Variants in NDRG1 observed in about 807,000 individuals in gnomAD.
NDRG1 encodes N-myc downstream regulated 1.
In NDRG1, 32 loss-of-function variants were observed where a neutral mutation model predicts 56.9. The observed-to-expected ratio is 0.56, with a 90% CI of 0.42 to 0.76. NDRG1 has a LOEUF of 0.76. NDRG1 is among the 30% of genes least tolerant of loss of function. The probability of loss-of-function intolerance (pLI) is 0.00; values close to 1 mark genes in which losing one functional copy is unlikely to be tolerated. For missense variants in NDRG1, 507 were observed against 545.7 expected (o/e 0.93, Z 0.71); for synonymous variants, 211 against 204.1 (o/e 1.03, Z -0.29).
intron 14 of NDRG1, 84 bp from the exon 15 acceptor site, chr8:133,242,158 C>T (rs1855423570): frequency 7.1e-7 from 1 of 1,401,876 alleles, no homozygotes; most frequent in Non-Finnish European, 1.0e-6. Context: ...CCTGTGGTCA[C>T]CTTCATTTGA....
At chr8:133,263,917 G>GGA (rs1856778621) in intron 4 of NDRG1, among the ~76,000 whole-genome samples, 1 of 108,078 alleles carries the variant, frequency 9.3e-6, no homozygotes, top group East Asian at 2.6e-4. Context: ...TTCTGTCTCA[G>GGA]AAAAAAAAAA....
rs567996488 is a variant in NDRG1 at position 133,250,496 on chromosome 8, G to A, written c.642C>T (p.His214=). 1 of 1,614,098 alleles carries A rather than the reference G, an allele frequency of 6.2e-7. No individual in the cohort carries two copies. The highest frequency in any genetic ancestry group is 2.2e-5 in the East Asian group (1 of 44,868). Residue 214 remains histidine (H), a synonymous_variant, in exon 10 of 16, where the codon CAC becomes CAT. Transcript: ENST00000323851. The part of the protein sequence containing the change: ...NVEVVHTYRQ[H]IVNDMNPGNL... ...TGCCGGGGTTCATGTCATTCACAATGTGCTGGCGGTAGGTGTGGACCACTT... is the reference window on the plus strand; with the variant it reads ...TGCCGGGGTTCATGTCATTCACAATATGCTGGCGGTAGGTGTGGACCACTT...
In NDRG1 at chr8:133,292,487, C is replaced by A. The variant is rs28605173; in HGVS notation, c.-19+4647G>T. Reference sequence around the variant, plus strand: ...GACATGGACAGGTCCCAGGAAGGACCCAACCCAGCCTCCCCTCCAGCAGAG... The same window carrying A: ...GACATGGACAGGTCCCAGGAAGGACACAACCCAGCCTCCCCTCCAGCAGAG... On this transcript the variant is annotated intron_variant, in intron 1 of 15. Coordinates refer to ENST00000323851, the MANE Select transcript of NDRG1 (RefSeq NM_006096.4). 4.3e-3 allele frequency among the ~76,000 whole-genome samples: 656 copies of A among 152,264 alleles called. 1 individual carries two copies. The highest frequency in any genetic ancestry group is 0.015 in the African/African-American group (613 of 41,542).
At chr8:133,272,413 C>T (rs546670547) in intron 3 of NDRG1, among the ~76,000 whole-genome samples, 5 of 152,266 alleles carry the variant, frequency 3.3e-5, no homozygotes, top group East Asian at 1.9e-4. Flanking sequence ...TCAGGGACAG[C>T]GATGCTCCCC....
At chr8:133,295,769 T>C (rs754769856) in intron 1 of NDRG1, among the ~76,000 whole-genome samples, 1 of 152,190 alleles carries the variant, frequency 6.6e-6, no homozygotes, top group Admixed American at 6.5e-5. Flanking sequence ...TGATGGGTAT[T>C]ATAAGGATGT....
At chr8:133,257,282 TACACACAC>T (rs58312135) in intron 7 of NDRG1, among the ~76,000 whole-genome samples, 2,311 of 146,820 alleles carry the variant, frequency 0.016, 72 homozygotes, top group African/African-American at 0.054. Context: ...AACACATGCA[TACACACAC>T]ACACACACAC....
chr8:133,280,531 C>A (rs1170832162), intron 2 of NDRG1, among the ~76,000 whole-genome samples: 2 of 151,746 alleles, frequency 1.3e-5, no homozygotes, highest in Non-Finnish European at 2.9e-5. Flanking sequence ...TCACGCCATT[C>A]TCCTGCCTCA....
chr8:133,269,838 C>T (rs1857104405), intron 3 of NDRG1, among the ~76,000 whole-genome samples: 1 of 152,238 alleles, frequency 6.6e-6, no homozygotes, highest in Admixed American at 6.5e-5. Flanking sequence ...GCAGCACAGG[C>T]TGTTCCACTA....
At chr8:133,287,790 C>A (rs187396527) in intron 1 of NDRG1, among the ~76,000 whole-genome samples, 1 of 152,224 alleles carries the variant, frequency 6.6e-6, no homozygotes, top group Non-Finnish European at 1.5e-5. Flanking sequence ...ACGCTGCGAC[C>A]AGCAAAAGAA....
At chr8:133,265,475 C>G (rs1856871315) in intron 3 of NDRG1, among the ~76,000 whole-genome samples, 2 of 152,188 alleles carry the variant, frequency 1.3e-5, no homozygotes, top group Admixed American at 1.3e-4. Flanking sequence ...AACTTCCAAT[C>G]CCATGTAAGC....
At chr8:133,255,653 C>T in intron 8 of NDRG1, 1 of 289,568 alleles carries the variant, frequency 3.5e-6, no homozygotes, top group Non-Finnish European at 6.9e-6. Flanking sequence ...CGGAAGGGCT[C>T]CTGCATTCTG....
At position 133,259,230 on chromosome 8, in the gene NDRG1, C is replaced by T; in HGVS notation, c.327G>A (p.Gly109=). 1 of 1,614,142 alleles carries T rather than the reference C, an allele frequency of 6.2e-7. No homozygotes were observed. Among genetic ancestry groups the T allele is most frequent in the Non-Finnish European group, 8.5e-7 (1 of 1,180,006 alleles). Residue 109 remains glycine, a splice_region_variant and synonymous_variant, in exon 6 of 16, where the codon GGG becomes GGA. Transcript: ENST00000323851. ...QQDGAASFPA[G]YMYPSMDQLA... ...GCTGATCCATGGAGGGGTACATGTACCTGGGGATGACACAGAGAAGCCATT... is the reference window on the plus strand; with the variant it reads ...GCTGATCCATGGAGGGGTACATGTATCTGGGGATGACACAGAGAAGCCATT...
intron 6 of NDRG1, 142 bp from the exon 7 acceptor site, chr8:133,258,568 G>A (rs1856500646): frequency 1.2e-6 from 1 of 809,268 alleles, no homozygotes; most frequent in African/African-American, 1.7e-5. Context: ...CAGCTCTGAG[G>A]TCACCATGCT....
rs151232659 is a variant in NDRG1, at chr8:133,277,420, C to T, written c.99+2812G>A. ...TCTACTAAAAATACAAAAATTAGCCCGGTGTGGTGGCGGGCACCTGTAATC... is the reference window on the plus strand; with the variant it reads ...TCTACTAAAAATACAAAAATTAGCCTGGTGTGGTGGCGGGCACCTGTAATC... On this transcript the variant is annotated intron_variant, in intron 3 of 15. Transcript: ENST00000323851. Among the ~76,000 whole-genome samples the T allele has an allele frequency of 9.1e-3, 1,384 of 151,972 alleles. 28 individuals are homozygous for T. The highest frequency in any genetic ancestry group is 0.031 in the African/African-American group (1,290 of 41,432).
chr8:133,239,358 T>G (rs1229113928), intron 15 of NDRG1: 1 of 659,986 alleles, frequency 1.5e-6, no homozygotes, highest in Admixed American at 2.9e-5. Flanking sequence ...AACCCAGATC[T>G]GGGTCTGAAC....
At chr8:133,268,464 G>A (rs951014673) in intron 3 of NDRG1, among the ~76,000 whole-genome samples, 1 of 152,198 alleles carries the variant, frequency 6.6e-6, no homozygotes, top group African/African-American at 2.4e-5. Context: ...GCTAGCCTTG[G>A]TGGGAAGGAC....
chr8:133,250,695 G>A (rs1855971330), intron 9 of NDRG1, 152 bp from the exon 10 acceptor site: 1 of 730,142 alleles, frequency 1.4e-6, no homozygotes. Context: ...AAAACCTTTG[G>A]GAAAGCAACA....
At chr8:133,243,220 T>C (rs1855482833) in intron 14 of NDRG1, among the ~76,000 whole-genome samples, 1 of 152,170 alleles carries the variant, frequency 6.6e-6, no homozygotes, top group Non-Finnish European at 1.5e-5. Context: ...TATGCTCAAA[T>C]TGCCCTCTGG....
intron 2 of NDRG1, 53 bp from the exon 3 acceptor site, chr8:133,280,320 A>T: frequency 6.3e-7 from 1 of 1,583,676 alleles, no homozygotes; most frequent in Non-Finnish European, 8.7e-7. Flanking sequence ...CTGTAAGAGA[A>T]ATAATATTGG....
Sources: allele counts gnomAD v4.1 joint callset (sites outside exome capture counted in the v4.1 genomes callset), GRCh38; gene constraint gnomAD v4.1.1; transcripts MANE v1.5; gene names NCBI Gene and HGNC (gene_info 2026-07-23, HGNC 2026-07-21).